ZNF44: variants seen among roughly 807,000 people sequenced by gnomAD.
The protein encoded by ZNF44 is gonadotropin inducible transcription repressor-2.
A neutral mutation model predicts 11.7 loss-of-function variants in ZNF44; 9 were observed. That is an observed-to-expected ratio of 0.77 (90% CI 0.46 to 1.35). ZNF44 has a LOEUF of 1.35. Among genes scored for constraint, ZNF44 ranks in the 40% most tolerant of loss-of-function variants. The pLI, the probability that ZNF44 is intolerant of heterozygous loss-of-function variation, is 0.00. For missense variants in ZNF44, 696 were observed against 743.1 expected (o/e 0.94, Z 0.74); for synonymous variants, 224 against 242.7 (o/e 0.92, Z 0.72).
chr19:12,281,733 A>G (rs554554367), intron 1 of ZNF44, among the ~76,000 whole-genome samples: 7 of 152,326 alleles, frequency 4.6e-5, no homozygotes, highest in Admixed American at 3.3e-4. Context: ...TAAAATGACC[A>G]TAAAAAACTA....
downstream of ZNF44, chr19:12,247,178 ATTAC>A: frequency 1.8e-6 from 1 of 560,432 alleles, no homozygotes; most frequent in Non-Finnish European, 2.6e-6. Context: ...GCTTTCCTGT[ATTAC>A]TTACATTCAT....
At chr19:12,238,690 G>A (rs2459009), upstream of ZNF44, among the ~76,000 whole-genome samples, 1,708 of 151,496 alleles carry the variant, frequency 0.011, 36 homozygotes, top group African/African-American at 0.039. Context: ...CAGCTACTCA[G>A]GAGGTCGAGG....
At chr19:12,291,607 AG>A (rs1370353023) in intron 1 of ZNF44, among the ~76,000 whole-genome samples, 1 of 152,152 alleles carries the variant, frequency 6.6e-6, no homozygotes, top group African/African-American at 2.4e-5. Context: ...CTGAGGTGGA[AG>A]GATCTCTTGA....
chr19:12,259,976 CA>C (rs952211216), intron 5 of ZNF44: 3 of 339,688 alleles, frequency 8.8e-6, no homozygotes, highest in Non-Finnish European at 1.8e-5. Context: ...ACTGCTCTTC[CA>C]GGGGCAGCCA....
chr19:12,247,094 TGATA>T (rs1485019926), downstream of ZNF44, among the ~76,000 whole-genome samples: 2 of 151,960 alleles, frequency 1.3e-5, no homozygotes, highest in East Asian at 1.9e-4. Flanking sequence ...GATGTGGCAC[TGATA>T]AATACATTTA....
intron 1 of ZNF44, among the ~76,000 whole-genome samples, chr19:12,236,663 A>G (rs1916401383): frequency 6.6e-6 from 1 of 152,200 alleles, no homozygotes; most frequent in Admixed American, 6.5e-5. Context: ...GACAGATTCA[A>G]TCATCCCTGT....
intron 5 of ZNF44, among the ~76,000 whole-genome samples, chr19:12,261,665 ATG>A (rs1817008210): frequency 6.6e-6 from 1 of 152,150 alleles, no homozygotes; most frequent in Admixed American, 6.5e-5. Context: ...AAAAAAGACA[ATG>A]TGTTCAACAA....
At chr19:12,260,540 C>A in intron 5 of ZNF44, 1 of 880,040 alleles carries the variant, frequency 1.1e-6, no homozygotes, top group Admixed American at 2.3e-5. Flanking sequence ...GCTCCTGAGC[C>A]CCCTGCCCCC....
chr19:12,276,280 A>G, intron 1 of ZNF44, 198 bp from the exon 2 acceptor site: 1 of 737,298 alleles, frequency 1.4e-6, no homozygotes, highest in Non-Finnish European at 2.2e-6. Flanking sequence ...TGCTAAAATA[A>G]CAGTTGAGTA....
At chr19:12,265,733 C>A (rs186225880) in intron 5 of ZNF44, among the ~76,000 whole-genome samples, 21 of 152,306 alleles carry the variant, frequency 1.4e-4, no homozygotes, top group Middle Eastern at 3.4e-3. Context: ...TTTCCTCTCT[C>A]GTAAAATATC....
intron 7 of ZNF44, among the ~76,000 whole-genome samples, chr19:12,249,510 A>G (rs1387461238): frequency 6.7e-6 from 1 of 150,240 alleles, no homozygotes. Context: ...CGTCTCAGAA[A>G]AAAAAAAAAA....
At chr19:12,274,355 C>T (rs1967123452) in intron 3 of ZNF44, among the ~76,000 whole-genome samples, 1 of 149,452 alleles carries the variant, frequency 6.7e-6, no homozygotes, top group Non-Finnish European at 1.5e-5. Context: ...TTGCTGCAAC[C>T]TCCGCCTCCC....
At chr19:12,239,968 G>T (rs1793659051), upstream of ZNF44, among the ~76,000 whole-genome samples, 1 of 152,112 alleles carries the variant, frequency 6.6e-6, no homozygotes, top group South Asian at 2.1e-4. Flanking sequence ...TAAAAATTCA[G>T]CCAAGAGGCC....
intron 1 of ZNF44, among the ~76,000 whole-genome samples, chr19:12,292,090 A>C (rs112156622): frequency 2.2e-4 from 34 of 151,692 alleles, no homozygotes; most frequent in African/African-American, 8.2e-4. Flanking sequence ...GCACTTTGGG[A>C]GGCCAAGGCA....
Position 12,272,611 on chromosome 19 carries a change from T to C in ZNF44, c.1644A>G (p.Leu548=), listed in dbSNP as rs1003401604. ...CTCCAGTGTGAGTCCTTTCATGTCT[T>C]AGAAGGAAAGAGGGCCAAAAGAATG... The part of the protein sequence containing the change: ...RKAFFWPSFL[L]RHERTHTGER... The change falls in exon 4 of 4, where the codon CTA becomes CTG. Residue 548 remains leucine (L), a synonymous_variant. Transcript: ENST00000355684. 1 of 1,613,312 alleles carries C rather than the reference T, an allele frequency of 6.2e-7. No individual in the cohort carries two copies. Among genetic ancestry groups the C allele is most frequent in the Non-Finnish European group, 8.5e-7 (1 of 1,179,688 alleles).
At chr19:12,290,263 T>C (rs1240554557) in intron 1 of ZNF44, among the ~76,000 whole-genome samples, 2 of 151,282 alleles carry the variant, frequency 1.3e-5, no homozygotes, top group Admixed American at 1.3e-4. Flanking sequence ...CACATGCCTA[T>C]AATCCCAGCT....
In ZNF44 at chr19:12,273,472, G is replaced by A. The variant is rs1967065417; in HGVS notation, c.783C>T (p.Ala261=). The change falls in exon 4 of 4, where the codon GCC becomes GCT. Residue 261 remains alanine (A), a synonymous_variant. Coordinates refer to ENST00000355684, the MANE Select transcript of ZNF44 (RefSeq NM_016264.4). ...TTAGATATGAACTGTAATCAGGGAAGGCTTTAGAACACTGCTTACATTCAT... is the reference window on the plus strand; with the variant it reads ...TTAGATATGAACTGTAATCAGGGAAAGCTTTAGAACACTGCTTACATTCAT... The part of the protein sequence containing the change: ...KPYECKQCSK[A]FPDYSSYLRH... 1.9e-6 allele frequency: 3 copies of A among 1,614,058 alleles called. No individual in the cohort carries two copies. The highest frequency in any genetic ancestry group is 2.5e-6 in the Non-Finnish European group (3 of 1,180,012).
chr19:12,244,154 TG>T (rs1916704734), downstream of ZNF44, among the ~76,000 whole-genome samples: 1 of 152,152 alleles, frequency 6.6e-6, no homozygotes, highest in African/African-American at 2.4e-5. Flanking sequence ...GGACTACAAT[TG>T]GGCACCACTA....
downstream of ZNF44, chr19:12,224,706 T>TATTATAGAAAAG (rs1915846460): frequency 6.6e-6 from 1 of 152,052 alleles, no homozygotes; most frequent in African/African-American, 2.4e-5. Flanking sequence ...AAGACAGGTT[T>TATTATAGAAAAG]ATTATAGAAA....
Sources: gnomAD v4.1 joint callset for allele counts (sites outside exome capture counted in the v4.1 genomes callset) on GRCh38, gnomAD v4.1.1 for gene constraint, MANE v1.5 for transcripts, NCBI Gene and HGNC (gene_info 2026-07-23, HGNC 2026-07-21) for gene names.